Variants in B3GALT1 observed in about 807,000 individuals in gnomAD.
The protein encoded by B3GALT1 is UDP-Gal:betaGlcNAc beta 1,3-galactosyltransferase, polypeptide 1.
B3GALT1 carries 10 observed loss-of-function variants against 23.2 expected under a neutral mutation model. The observed-to-expected ratio is 0.43, with a 90% CI of 0.27 to 0.73. The LOEUF (loss-of-function observed/expected upper bound fraction) is 0.73. Ranked by LOEUF, B3GALT1 falls within the 30% of genes least tolerant of loss-of-function variation. The probability of loss-of-function intolerance (pLI) is 0.21; values close to 1 mark genes in which losing one functional copy is unlikely to be tolerated. For synonymous variants in B3GALT1, 156 were observed against 141.5 expected, an observed-to-expected ratio of 1.10 and a Z score of -0.73; for missense variants, 299 against 405.4, an observed-to-expected ratio of 0.74 and a Z score of 2.25.
intron 1 of B3GALT1, among the ~76,000 whole-genome samples, chr2:167,449,012 G>A (rs1699047486): frequency 1.3e-5 from 2 of 152,136 alleles, no homozygotes; most frequent in Non-Finnish European, 2.9e-5. Flanking sequence ...TTATGGTATA[G>A]TTTAAAGTTG....
At chr2:167,813,099 G>C (rs1336714987) in intron 3 of B3GALT1, among the ~76,000 whole-genome samples, 3 of 148,280 alleles carry the variant, frequency 2.0e-5, no homozygotes, top group African/African-American at 7.5e-5. Context: ...AAGATTCTCT[G>C]TATCCCTAGC....
chr2:167,369,708 C>G (rs1436813309), intron 1 of B3GALT1, among the ~76,000 whole-genome samples: 1 of 152,090 alleles, frequency 6.6e-6, no homozygotes, highest in Admixed American at 6.6e-5. Context: ...AACAAGATGG[C>G]TTTTAGTTTC....
chr2:167,324,127 T>G (rs1022746126), intron 1 of B3GALT1, among the ~76,000 whole-genome samples: 1 of 152,208 alleles, frequency 6.6e-6, no homozygotes, highest in South Asian at 2.1e-4. Context: ...TGGTTGGAAA[T>G]GCACTAGCAC....
intron 1 of B3GALT1, among the ~76,000 whole-genome samples, chr2:167,335,875 C>T (rs888492876): frequency 3.3e-5 from 5 of 152,024 alleles, no homozygotes; most frequent in African/African-American, 1.2e-4. Context: ...GGAAGGCAGC[C>T]AAGTAGGTCT....
At chr2:167,331,262 C>T (rs537906331) in intron 1 of B3GALT1, among the ~76,000 whole-genome samples, 1 of 152,278 alleles carries the variant, frequency 6.6e-6, no homozygotes, top group East Asian at 1.9e-4. Context: ...GCCCTTGAGC[C>T]CCATGGCAGC....
chr2:167,812,977 ACG>A (rs1355949748), intron 3 of B3GALT1, among the ~76,000 whole-genome samples: 3,596 of 130,860 alleles, frequency 0.027, 93 homozygotes, highest in South Asian at 0.076. Flanking sequence ...ACACACACAC[ACG>A]CACCACCACC....
chr2:167,732,200 C>T (rs918587270), intron 3 of B3GALT1, among the ~76,000 whole-genome samples: 5 of 152,256 alleles, frequency 3.3e-5, no homozygotes, highest in African/African-American at 1.2e-4. Flanking sequence ...GTCCACACAG[C>T]CAGTGTAGCC....
At chr2:167,755,023 T>G (rs1687794852) in intron 3 of B3GALT1, among the ~76,000 whole-genome samples, 1 of 151,964 alleles carries the variant, frequency 6.6e-6, no homozygotes, top group African/African-American at 2.4e-5. Flanking sequence ...CTAATGAGTA[T>G]GTTGTAGGGG....
At chr2:167,339,720 C>T (rs1046662830) in intron 1 of B3GALT1, among the ~76,000 whole-genome samples, 11 of 150,532 alleles carry the variant, frequency 7.3e-5, no homozygotes, top group African/African-American at 2.2e-4. Context: ...CTTCCCATTT[C>T]GAAGAAGGAT....
chr2:167,336,547 A>G (rs1463833610), intron 1 of B3GALT1, among the ~76,000 whole-genome samples: 1 of 152,080 alleles, frequency 6.6e-6, no homozygotes, highest in Non-Finnish European at 1.5e-5. Context: ...TTGATTACTG[A>G]TTATTTTTTA....
At chr2:167,789,626 A>G (rs1688400562) in intron 3 of B3GALT1, among the ~76,000 whole-genome samples, 2 of 152,180 alleles carry the variant, frequency 1.3e-5, no homozygotes, top group Non-Finnish European at 2.9e-5. Flanking sequence ...TGAGGTAATA[A>G]TAACACCAAT....
At position 167,592,771 on chromosome 2, in the gene B3GALT1, G is replaced by C. The variant is rs186563123; in HGVS notation, c.-409-54138G>C. On this transcript the variant is annotated intron_variant, in intron 2 of 4. Transcript: ENST00000392690. ...AGACAAGTTAAAACACTAGGCTTGA[G>C]GGGAGGAGCATGGTTAATCTTATCC... Among the ~76,000 whole-genome samples, 33 of 152,292 alleles carry C rather than the reference G, an allele frequency of 2.2e-4. No individual in the cohort carries two copies. In the East Asian group the frequency reaches 2.7e-3, roughly 12 times the overall value.
intron 1 of B3GALT1, among the ~76,000 whole-genome samples, chr2:167,431,818 G>C (rs923559612): frequency 7.3e-5 from 11 of 150,790 alleles, no homozygotes; most frequent in African/African-American, 2.5e-4. Flanking sequence ...CTTGGAATTG[G>C]GGGGGAAGGG....
intron 1 of B3GALT1, among the ~76,000 whole-genome samples, chr2:167,381,123 A>G (rs1318510993): frequency 6.6e-6 from 1 of 152,140 alleles, no homozygotes; most frequent in East Asian, 1.9e-4. Context: ...GCTGGAGTGC[A>G]GTGGTACAAT....
At chr2:167,430,816 G>C (rs1698695462) in intron 1 of B3GALT1, among the ~76,000 whole-genome samples, 1 of 152,116 alleles carries the variant, frequency 6.6e-6, no homozygotes, top group African/African-American at 2.4e-5. Context: ...TTTCTTCAGA[G>C]CAAAAGTGAT....
At chr2:167,385,241 C>CT (rs143597759) in intron 1 of B3GALT1, among the ~76,000 whole-genome samples, 27 of 152,268 alleles carry the variant, frequency 1.8e-4, no homozygotes, top group Non-Finnish European at 2.8e-4. Flanking sequence ...TCCACCTACT[C>CT]TGTTTGTCTA....
chr2:167,812,874 C>T (rs76414298), intron 3 of B3GALT1, among the ~76,000 whole-genome samples: 12,434 of 151,830 alleles, frequency 0.082, 663 homozygotes, highest in Middle Eastern at 0.21. Flanking sequence ...GTCCAAAAAA[C>T]GGAAGCTTTG....
chr2:167,830,234 A>C (rs568879420), intron 4 of B3GALT1, among the ~76,000 whole-genome samples: 1 of 152,160 alleles, frequency 6.6e-6, no homozygotes, highest in South Asian at 2.1e-4. Flanking sequence ...TGAATGACAA[A>C]CCTCACTAAG....
chr2:167,613,452 A>G (rs1467035135), intron 2 of B3GALT1, among the ~76,000 whole-genome samples: 1 of 151,282 alleles, frequency 6.6e-6, no homozygotes, highest in African/African-American at 2.4e-5. Flanking sequence ...TTCTTAAAAT[A>G]TTTTATATAA....
Sources: allele counts gnomAD v4.1 joint callset (sites outside exome capture counted in the v4.1 genomes callset), GRCh38; gene constraint gnomAD v4.1.1; transcripts MANE v1.5; gene names NCBI Gene and HGNC (gene_info 2026-07-23, HGNC 2026-07-21).